The following RRP7A variants were observed in gnomAD, a reference collection of about 807,000 sequenced individuals.
RRP7A encodes ribosomal RNA processing 7 homolog A.
In RRP7A, 27 loss-of-function variants were observed where a neutral mutation model predicts 38.4. The observed-to-expected ratio is 0.70, with a 90% CI of 0.52 to 0.97. The LOEUF (loss-of-function observed/expected upper bound fraction) is 0.97. Ranked by LOEUF, RRP7A falls within the 50% of genes least tolerant of loss-of-function variation. The pLI is 0.00. For missense variants in RRP7A, 327 were observed against 375.4 expected (o/e 0.87, Z 1.07); for synonymous variants, 124 against 150.3 (o/e 0.83, Z 1.28).
Position 42,509,101 on chromosome 22 carries a change from T to C in RRP7A, c.*3809A>G, listed in dbSNP as rs1932361615. ...ATCAGGAAGCTGCAGGCCCATGTCC[T>C]GTTGATCAAGTGAGTCTGGACCCAT... On this transcript the variant is annotated 3_prime_UTR_variant, in exon 7 of 7. Transcript: ENST00000323013. 3.1e-6 allele frequency: 5 copies of C among 1,614,104 alleles called. No homozygotes were observed. In the East Asian group the frequency reaches 1.1e-4, roughly 36 times the overall value.
At position 42,512,055 on chromosome 22, in the gene RRP7A, G is replaced by T; in HGVS notation, c.*855C>A. The T allele has an allele frequency of 7.9e-7, 1 of 1,272,732 alleles. No homozygotes were observed. The highest frequency in any genetic ancestry group is 1.1e-6 in the Non-Finnish European group (1 of 871,246). 78.8% of individuals were successfully genotyped at this position (1,272,732 alleles called of 1,614,324 possible). On this transcript the variant is annotated 3_prime_UTR_variant, in exon 7 of 7. Transcript: ENST00000323013. Reference sequence around the variant, plus strand: ...TGCTGTGGGAGGGCCCTGACCCCGGGGCCCATGGAGCTCCCTAGGCTCCTC... The same window carrying T: ...TGCTGTGGGAGGGCCCTGACCCCGGTGCCCATGGAGCTCCCTAGGCTCCTC...
At position 42,514,764 on chromosome 22, in the gene RRP7A, T is replaced by C. The variant is rs1920925889; in HGVS notation, c.476A>G (p.Tyr159Cys). The change falls in exon 5 of 7, where the codon TAC becomes TGC. Residue 159 changes from tyrosine (Y) to cysteine (C), a missense_variant. Physicochemically the swap from Tyr to Cys is radical, Grantham distance 194 (BLOSUM62 -2). Around this residue, in one of 5 missense-constraint regions of RRP7A, gnomAD observed 46 missense variants for 93.0 expected, o/e 0.49. Coordinates refer to ENST00000323013, the MANE Select transcript of RRP7A (RefSeq NM_015703.5). Reference protein sequence around the residue: ...KSGIHKWISDYADSVPDPEAL... With the variant: ...KSGIHKWISDCADSVPDPEAL... Reference sequence around the variant, plus strand: ...CTCAGGGTCGGGCACAGAGTCTGCGTAGTCACTGATCCACTCTGAGGAAAA... The same window carrying C: ...CTCAGGGTCGGGCACAGAGTCTGCGCAGTCACTGATCCACTCTGAGGAAAA... The C allele has an allele frequency of 6.2e-7, 1 of 1,609,990 alleles. No individual in the cohort carries two copies. The highest frequency in any genetic ancestry group is 8.5e-7 in the Non-Finnish European group (1 of 1,178,202).
In RRP7A at chr22:42,508,664, GA is replaced by G. The variant is rs1450298388; in HGVS notation, c.*4245del. 6.6e-6 allele frequency among the ~76,000 whole-genome samples: 1 copy of G among 152,248 alleles called. No homozygotes were observed. The highest frequency in any genetic ancestry group is 6.5e-5 in the Admixed American group (1 of 15,286). ...GCGTGAGGTGCAGCCTATGGACTGG[GA>G]AAGGGGTGTGGAAGGGCCACACCTA... On this transcript the variant is annotated 3_prime_UTR_variant, in exon 7 of 7. Coordinates refer to ENST00000323013, the MANE Select transcript of RRP7A (RefSeq NM_015703.5).
chr22:42,512,505 C>G lies in RRP7A; in HGVS notation c.*405G>C. On this transcript the variant is annotated 3_prime_UTR_variant, in exon 7 of 7. Coordinates refer to ENST00000323013, the MANE Select transcript of RRP7A (RefSeq NM_015703.5). ...AGGAAGGAAGGGCGGGCTGGGCCCA[C>G]CTAGCCTTTCCCTGCTGCCCAACTG... 5.4e-6 allele frequency: 3 copies of G among 556,422 alleles called. No homozygotes were observed. Among genetic ancestry groups the G allele is most frequent in the South Asian group, 4.3e-5 (2 of 46,692 alleles). 34.5% of individuals were successfully genotyped at this position (556,422 alleles called of 1,614,324 possible).
chr22:42,517,070 C>A (rs1234158295), intron 2 of RRP7A, among the ~76,000 whole-genome samples: 1 of 151,954 alleles, frequency 6.6e-6, no homozygotes, highest in East Asian at 1.9e-4. Context: ...TTCAGGTCAG[C>A]AGTTCGAGAC....
At position 42,508,772 on chromosome 22, in the gene RRP7A, A is replaced by G. The variant is rs55736930; in HGVS notation, c.*4138T>C. On this transcript the variant is annotated 3_prime_UTR_variant, in exon 7 of 7. Transcript: ENST00000323013. ...CAGCCATACCTGGTGGCAAAGGAGT[A>G]TTGGAAATGGAGTCAGGCTGGGTAG... Among the ~76,000 whole-genome samples the G allele has an allele frequency of 0.12, 18,114 of 151,892 alleles. 1,328 individuals are homozygous for G. The highest frequency in any genetic ancestry group is 0.18 in the Admixed American group (2,729 of 15,238).
At position 42,517,998 on chromosome 22, in the gene RRP7A, A is replaced by AGT; in HGVS notation, c.216+6_216+7insAC. 1 of 1,611,528 alleles carries AGT rather than the reference A, an allele frequency of 6.2e-7. No individual in the cohort carries two copies. The highest frequency in any genetic ancestry group is 8.5e-7 in the Non-Finnish European group (1 of 1,178,714). On this transcript the variant is annotated splice_region_variant and intron_variant, in intron 2 of 6. Transcript: ENST00000323013. ...ACAGGTCTCCTCCCAGACAGACACT[A>AGT]GCTCACCTCTGTGCAGTATGGGGGC... is the stretch of plus-strand genomic sequence containing the variant.
intron 1 of RRP7A, 103 bp from the exon 2 acceptor site, chr22:42,518,250 C>G: frequency 1.0e-6 from 1 of 976,570 alleles, no homozygotes; most frequent in African/African-American, 1.6e-5. Context: ...CTAGTCCTAT[C>G]TGTTCATCGA....
rs1932489626 is a variant in RRP7A, at chr22:42,512,236, A to T, written c.*674T>A. ...ACACACACGCTCCCAGCCCAGCTGT[A>T]GCTCTGGGCCTGGAACTATGAAGAC... On this transcript the variant is annotated 3_prime_UTR_variant, in exon 7 of 7. Transcript: ENST00000323013. 6.2e-7 allele frequency: 1 copy of T among 1,613,018 alleles called. No homozygotes were observed. Among genetic ancestry groups the T allele is most frequent in the East Asian group, 2.2e-5 (1 of 44,882 alleles).
In RRP7A at chr22:42,509,069, G is replaced by A. The variant is rs139392843; in HGVS notation, c.*3841C>T. ...ACTTCGTCAGCAGGGAGCTGTGTGC[G>A]CATTCCATCAGGAAGCTGCAGGCCC... On this transcript the variant is annotated 3_prime_UTR_variant, in exon 7 of 7. Transcript: ENST00000323013. 3.2e-5 allele frequency: 52 copies of A among 1,613,104 alleles called. No homozygotes were observed. The highest frequency in any genetic ancestry group is 1.1e-4 in the South Asian group (10 of 91,086).
chr22:42,519,740 C>G lies in RRP7A; in HGVS notation c.47G>C (p.Arg16Pro), dbSNP rs1322438771. The G allele has an allele frequency of 6.8e-7, 1 of 1,460,090 alleles. No homozygotes were observed. The highest frequency in any genetic ancestry group is 2.6e-5 in the Admixed American group (1 of 38,512). The allele number at this position is 1,460,090 out of a possible 1,614,324, so 90.4% of individuals were successfully genotyped here. A position where few individuals can be genotyped will look rare whatever the true frequency, so the allele number is the denominator to read the frequency against. The change falls in exon 1 of 7, where the codon CGT becomes CCT. Residue 16 changes from arginine to proline, a missense_variant. By Grantham distance (103) the Arg-to-Pro change is moderately radical. Transcript: ENST00000323013. The part of the protein sequence containing the change: ...RKCAARDPED[R>P]IPSPLGYAAI... ...TGCGTAGCCCAGTGGGCTGGGGATA[C>G]GGTCCTCCGGGTCCCGCGCGGCGCA... is the stretch of plus-strand genomic sequence containing the variant.
rs645625 is a variant in RRP7A, at chr22:42,518,078, C to T, written c.143G>A (p.Arg48Gln). ...AGGCCAGGTGGACTTGGTGCCTTGT[C>T]GAACGCCGTGTGCTCTCACATAGAG... is the stretch of plus-strand genomic sequence containing the variant. The part of the protein sequence containing the change: ...HYLYVRAHGV[R>Q]QGTKSTWPQK... The change falls in exon 2 of 7, where the codon CGA (arginine) becomes CAA (glutamine). Residue 48 changes from arginine (R) to glutamine (Q), a missense_variant. Physicochemically the swap from Arg to Gln is conservative, Grantham distance 43. Around this residue, in one of 5 missense-constraint regions of RRP7A, gnomAD observed 183 missense variants for 141.8 expected, o/e 1.29. Transcript: ENST00000323013. 2.3e-3 allele frequency: 3,725 copies of T among 1,611,706 alleles called. 3 individuals are homozygous for T. In the African/African-American group the frequency reaches 0.042, roughly 18 times the overall value.
chr22:42,512,682 GTCC>G lies in RRP7A; in HGVS notation c.*225_*227del. ...TGGAGGCAAGAAGCAGGAAGGACAA[GTCC>G]TCCTCTCGGCACGCCTGGGTCCCCA... On this transcript the variant is annotated 3_prime_UTR_variant, in exon 7 of 7. Transcript: ENST00000323013. The G allele has an allele frequency of 5.0e-6, 3 of 605,692 alleles. No individual in the cohort carries two copies. Among genetic ancestry groups the G allele is most frequent in the Middle Eastern group, 4.4e-4 (1 of 2,270 alleles). The allele number at this position is 605,692 out of a possible 1,614,324, so 37.5% of individuals were successfully genotyped here. A position where few individuals can be genotyped will look rare whatever the true frequency, so the allele number is the denominator to read the frequency against.
At position 42,512,987 on chromosome 22, in the gene RRP7A, G is replaced by C; in HGVS notation, c.766C>G (p.Gln256Glu). The C allele has an allele frequency of 6.2e-7, 1 of 1,612,704 alleles. No homozygotes were observed. Among genetic ancestry groups the C allele is most frequent in the Non-Finnish European group, 8.5e-7 (1 of 1,179,418 alleles). ...HRESKMEHLA[Q>E]LRKKFEEDKQ... ...TCCTCCTCGAACTTCTTGCGCAGCT[G>C]CGCTAGATCTGGGGGTGAGAGGAGG... is the stretch of plus-strand genomic sequence containing the variant. Residue 256 changes from glutamine (Q) to glutamate (E), a missense_variant, in exon 7 of 7, where the codon CAG (glutamine) becomes GAG (glutamate). Gln to Glu is a conservative substitution (Grantham distance 29). This residue lies in a region of RRP7A where 84 missense variants were observed against 82.8 expected (regional missense o/e 1.01). Coordinates refer to ENST00000323013, the MANE Select transcript of RRP7A (RefSeq NM_015703.5).
rs1397082983 is a variant in RRP7A at position 42,510,683 on chromosome 22, C to G, written c.*2227G>C. 3 of 1,451,672 alleles carry G rather than the reference C, an allele frequency of 2.1e-6. No homozygotes were observed. In the African/African-American group the frequency reaches 4.3e-5, roughly 21 times the overall value. 89.9% of individuals were successfully genotyped at this position (1,451,672 alleles called of 1,614,324 possible). ...AGAGAATTACTCTGACAAGGAGTCC[C>G]TGTCGTTCATGATAGACACAATGAA... On this transcript the variant is annotated 3_prime_UTR_variant, in exon 7 of 7. Coordinates refer to ENST00000323013, the MANE Select transcript of RRP7A (RefSeq NM_015703.5).
At chr22:42,517,751 T>C (rs1350611229) in intron 2 of RRP7A, among the ~76,000 whole-genome samples, 1 of 152,126 alleles carries the variant, frequency 6.6e-6, no homozygotes, top group Non-Finnish European at 1.5e-5. Context: ...AACTCCTCCC[T>C]TCAGGTGATC....
intron 6 of RRP7A, among the ~76,000 whole-genome samples, chr22:42,513,574 A>T (rs1374829259): frequency 8.0e-6 from 1 of 124,678 alleles, no homozygotes; most frequent in Non-Finnish European, 1.7e-5. Context: ...GCCCACAGGG[A>T]AGCTGTTCTG....
rs370501655 is a variant in RRP7A at position 42,508,834 on chromosome 22, A to C, written c.*4076T>G. Among the ~76,000 whole-genome samples the C allele has an allele frequency of 1.3e-5, 2 of 152,176 alleles. No individual in the cohort carries two copies. Among genetic ancestry groups the C allele is most frequent in the East Asian group, 1.9e-4 (1 of 5,190 alleles). ...GGAAGAGGGGAGAACAGACTTGGAG[A>C]GGGCAGGAGTCTCTGGCCACCAGGG... On this transcript the variant is annotated 3_prime_UTR_variant, in exon 7 of 7. Coordinates refer to ENST00000323013, the MANE Select transcript of RRP7A (RefSeq NM_015703.5).
chr22:42,516,813 C>G (rs1343748111), intron 2 of RRP7A, among the ~76,000 whole-genome samples: 2 of 152,208 alleles, frequency 1.3e-5, no homozygotes, highest in Non-Finnish European at 2.9e-5. Context: ...CAGCTATGTT[C>G]TGTCTCTGGG....
Sources: allele counts gnomAD v4.1 joint callset (sites outside exome capture counted in the v4.1 genomes callset), GRCh38; gene constraint gnomAD v4.1.1; regional missense constraint gnomAD v4.1.1; transcripts MANE v1.5; gene names NCBI Gene and HGNC (gene_info 2026-07-23, HGNC 2026-07-21).